The following CSPP1 variants were observed in gnomAD, a reference collection of about 807,000 sequenced individuals.
CSPP1 encodes the protein centrosome and spindle pole-associated protein 1.
CSPP1 carries 126 observed loss-of-function variants against 164.4 expected under a neutral mutation model. The ratio of observed to expected loss-of-function variants is 0.77; its 90% CI spans 0.66 to 0.89. The LOEUF (loss-of-function observed/expected upper bound fraction) is 0.89. CSPP1 is among the 40% of genes least tolerant of loss of function. The pLI, the probability that CSPP1 is intolerant of heterozygous loss-of-function variation, is 0.00. For synonymous variants in CSPP1, 472 were observed against 476.7 expected, an observed-to-expected ratio of 0.99 and a Z score of 0.13; for missense variants, 1,395 against 1,449.8, an observed-to-expected ratio of 0.96 and a Z score of 0.61.
chr8:67,118,577 G>A (rs1818380975), intron 14 of CSPP1, among the ~76,000 whole-genome samples, 166 bp from the exon 15 acceptor site: 1 of 151,994 alleles, frequency 6.6e-6, no homozygotes, highest in South Asian at 2.1e-4. Context: ...AATAACGATT[G>A]TGTTTTCTTA....
intron 26 of CSPP1, among the ~76,000 whole-genome samples, chr8:67,177,022 G>T (rs1034188273): frequency 8.9e-5 from 12 of 134,650 alleles, no homozygotes; most frequent in Non-Finnish European, 6.1e-5. Flanking sequence ...AGAGAGCCAA[G>T]ATCGTGCCAC....
intron 18 of CSPP1, among the ~76,000 whole-genome samples, chr8:67,152,172 C>T (rs921515824): frequency 3.3e-5 from 5 of 151,384 alleles, no homozygotes; most frequent in African/African-American, 1.2e-4. Context: ...TAATTTTGTG[C>T]TATGCCATAT....
intron 24 of CSPP1, among the ~76,000 whole-genome samples, chr8:67,165,639 G>A (rs1247818278): frequency 6.6e-6 from 1 of 152,224 alleles, no homozygotes; most frequent in Non-Finnish European, 1.5e-5. Context: ...GGATTTGACT[G>A]ATGTTTTCTG....
chr8:67,155,445 C>T (rs1344770483), intron 19 of CSPP1, among the ~76,000 whole-genome samples: 1 of 152,094 alleles, frequency 6.6e-6, no homozygotes, highest in Non-Finnish European at 1.5e-5. Flanking sequence ...CTTTTTAATC[C>T]TAATTATTCT....
At chr8:67,113,232 G>A (rs1817239360) in intron 10 of CSPP1, among the ~76,000 whole-genome samples, 1 of 152,118 alleles carries the variant, frequency 6.6e-6, no homozygotes. Flanking sequence ...GCGACAGGGT[G>A]AGACTCTTGA....
chr8:67,128,484 AGCCAAGATCAC>A (rs1820543170), intron 15 of CSPP1, among the ~76,000 whole-genome samples: 1 of 150,974 alleles, frequency 6.6e-6, no homozygotes, highest in African/African-American at 2.4e-5. Flanking sequence ...GGTTGCAGTG[AGCCAAGATCAC>A]GCCACTGAAC....
At chr8:67,192,229 C>G (rs1836529067) in intron 29 of CSPP1, among the ~76,000 whole-genome samples, 1 of 152,060 alleles carries the variant, frequency 6.6e-6, no homozygotes, top group Non-Finnish European at 1.5e-5. Flanking sequence ...TGCATGCCAA[C>G]ACGCCTGGCT....
chr8:67,187,752 C>T (rs931930033), intron 28 of CSPP1, among the ~76,000 whole-genome samples: 3 of 152,104 alleles, frequency 2.0e-5, no homozygotes, highest in African/African-American at 7.2e-5. Flanking sequence ...AAAGGCAGTA[C>T]TGACAAAGGA....
At position 67,193,447 on chromosome 8, in the gene CSPP1, C is replaced by CTGTT; in HGVS notation, c.3331-15_3331-12dup. ...TTTGTGTTAATGACTTTCTGAAGTT[C>CTGTT]TGTTTTCTAACTACAGGATAGCAGT... On this transcript the variant is annotated splice_polypyrimidine_tract_variant and intron_variant, in intron 29 of 30. Transcript: ENST00000678616. The CTGTT allele has an allele frequency of 6.2e-7, 1 of 1,605,438 alleles. No individual in the cohort carries two copies. The highest frequency in any genetic ancestry group is 1.1e-5 in the South Asian group (1 of 90,392).
intron 15 of CSPP1, among the ~76,000 whole-genome samples, chr8:67,129,198 A>G (rs1405791563): frequency 6.6e-6 from 1 of 152,178 alleles, no homozygotes; most frequent in Non-Finnish European, 1.5e-5. Flanking sequence ...TAAACATGAA[A>G]AACTTACATC....
intron 26 of CSPP1, among the ~76,000 whole-genome samples, chr8:67,176,565 T>A (rs1411681612): frequency 1.3e-5 from 2 of 152,198 alleles, no homozygotes; most frequent in Non-Finnish European, 2.9e-5. Context: ...GAGAAGCAAG[T>A]GCATTCTTCA....
Position 67,095,732 on chromosome 8 carries a change from G to A in CSPP1, c.923G>A (p.Arg308Lys), listed in dbSNP as rs2129545557. ...RRLSRVYTND[R>K]MHRNKRGNMP... ...CTTTCGAGAGTGTATACAAATGACAGGTATTTACAACTTCATTTTTATTTT... is the reference window on the plus strand; with the variant it reads ...CTTTCGAGAGTGTATACAAATGACAAGTATTTACAACTTCATTTTTATTTT... The change falls in exon 7 of 31, where the codon AGG (arginine) becomes AAG (lysine). Residue 308 changes from arginine to lysine, a missense_variant and splice_region_variant. Coordinates refer to ENST00000678616, the MANE Select transcript of CSPP1 (RefSeq NM_001382391.1). The A allele has an allele frequency of 6.6e-7, 1 of 1,515,086 alleles. No homozygotes were observed. The highest frequency in any genetic ancestry group is 9.0e-7 in the Non-Finnish European group (1 of 1,115,316). The allele number at this position is 1,515,086 out of a possible 1,614,324, so 93.9% of individuals were successfully genotyped here. A position where few individuals can be genotyped will look rare whatever the true frequency, so the allele number is the denominator to read the frequency against.
At chr8:67,096,376 C>T (rs1165099136) in intron 7 of CSPP1, among the ~76,000 whole-genome samples, 1 of 151,746 alleles carries the variant, frequency 6.6e-6, no homozygotes, top group Non-Finnish European at 1.5e-5. Flanking sequence ...ACCAGCCTGA[C>T]CAACAGGGTG....
intron 24 of CSPP1, among the ~76,000 whole-genome samples, chr8:67,166,563 G>A (rs1406436273): frequency 2.6e-5 from 4 of 152,110 alleles, no homozygotes; most frequent in Non-Finnish European, 5.9e-5. Context: ...GTTAATCCAA[G>A]GTGGTAATTT....
Position 67,193,482 on chromosome 8 carries a change from G to A in CSPP1, c.3349G>A (p.Val1117Ile). ...GLDIDSSRPN[V>I]APDGLSLKSI... Reference sequence around the variant, plus strand: ...ACTACAGGATAGCAGTCGTCCTAATGTAGCACCAGATGGTCTCTCTCTAAA... The same window carrying A: ...ACTACAGGATAGCAGTCGTCCTAATATAGCACCAGATGGTCTCTCTCTAAA... Residue 1117 changes from valine (V) to isoleucine (I), a missense_variant, in exon 30 of 31, where the codon GTA becomes ATA. Physicochemically the swap from Val to Ile is conservative, Grantham distance 29. Transcript: ENST00000678616. 6.2e-7 allele frequency: 1 copy of A among 1,613,468 alleles called. No individual in the cohort carries two copies. Among genetic ancestry groups the A allele is most frequent in the Non-Finnish European group, 8.5e-7 (1 of 1,179,434 alleles).
intron 9 of CSPP1, among the ~76,000 whole-genome samples, chr8:67,110,853 CTGTTGTTGT>C (rs57306340): frequency 1.3e-4 from 20 of 151,620 alleles, no homozygotes; most frequent in South Asian, 2.1e-4. Flanking sequence ...TCTAATGTTT[CTGTTGTTGT>C]TGTTGTTGTT....
intron 15 of CSPP1, among the ~76,000 whole-genome samples, chr8:67,128,534 C>G (rs571769316): frequency 7.3e-6 from 1 of 137,734 alleles, no homozygotes; most frequent in Non-Finnish European, 1.5e-5. Context: ...AGTGAGACTC[C>G]ATCTCAAAAA....
rs1421808533 is a variant in CSPP1, at chr8:67,158,537, G to A, written c.2332G>A (p.Ala778Thr). 2 of 1,612,062 alleles carry A rather than the reference G, an allele frequency of 1.2e-6. No homozygotes were observed. The highest frequency in any genetic ancestry group is 1.7e-6 in the Non-Finnish European group (2 of 1,178,762). The change falls in exon 20 of 31, where the codon GCA (alanine) becomes ACA (threonine). Residue 778 changes from alanine (A) to threonine (T), a missense_variant. By Grantham distance (58) the Ala-to-Thr change is moderately conservative. Coordinates refer to ENST00000678616, the MANE Select transcript of CSPP1 (RefSeq NM_001382391.1). ...KEERRLAEQR[A>T]RIQQEYEEEQ... The stretch of plus-strand genomic sequence containing the variant: ...AGAAAGACGGCTTGCAGAACAGAGG[G>A]CACGAATTCAGCAGGAGTATGAAGA...
chr8:67,153,942 A>T, intron 18 of CSPP1, 82 bp from the exon 19 acceptor site: 4 of 609,406 alleles, frequency 6.6e-6, no homozygotes, highest in Non-Finnish European at 2.9e-6. Flanking sequence ...AAATGAATTT[A>T]TTAGCAAACT....
Sources: gnomAD v4.1 joint callset for allele counts (sites outside exome capture counted in the v4.1 genomes callset) on GRCh38, gnomAD v4.1.1 for gene constraint, MANE v1.5 for transcripts, NCBI Gene and HGNC (gene_info 2026-07-23, HGNC 2026-07-21) for gene names.